The following PLEKHS1 variants were observed in gnomAD, a reference collection of about 807,000 sequenced individuals.
The protein encoded by PLEKHS1 is pleckstrin homology domain-containing family S member 1.
Under a neutral mutation model 51.0 loss-of-function variants are expected in PLEKHS1, and 55 were observed. The observed-to-expected ratio is 1.08, with a 90% CI of 0.87 to 1.35. The LOEUF (loss-of-function observed/expected upper bound fraction) is 1.35. PLEKHS1 is among the 40% of genes most tolerant of loss of function. The pLI, the probability that PLEKHS1 is intolerant of heterozygous loss-of-function variation, is 0.00. For missense variants in PLEKHS1, 398 were observed against 423.0 expected, an observed-to-expected ratio of 0.94 and a Z score of 0.52; for synonymous variants, 153 against 144.8, an observed-to-expected ratio of 1.06 and a Z score of -0.41.
exon 4 of PLEKHS1, chr10:113,766,629 G>T (rs769171705): frequency 5.6e-6 from 9 of 1,609,280 alleles, no homozygotes; most frequent in Non-Finnish European, 7.6e-6. Flanking sequence ...GGAAAAAGCG[G>T]TTTTTCATCC....
At chr10:113,753,584 A>T (rs1853954526) in intron 1 of PLEKHS1, among the ~76,000 whole-genome samples, 1 of 152,124 alleles carries the variant, frequency 6.6e-6, no homozygotes, top group African/African-American at 2.4e-5. Context: ...TGCCCGAGAA[A>T]AGTTGTAATT....
At chr10:113,775,687 C>CAA in intron 10 of PLEKHS1, 78 bp from the exon 11 acceptor site, 1 of 884,390 alleles carries the variant, frequency 1.1e-6, no homozygotes, top group East Asian at 2.6e-5. Flanking sequence ...AAATAGAGGC[C>CAA]AAAAGTCTAC....
chr10:113,758,709 T>C (rs575810469), intron 2 of PLEKHS1, among the ~76,000 whole-genome samples: 1 of 152,186 alleles, frequency 6.6e-6, no homozygotes, highest in Non-Finnish European at 1.5e-5. Flanking sequence ...TCTCATTGAA[T>C]AGGGAGGTCC....
intron 8 of PLEKHS1, among the ~76,000 whole-genome samples, chr10:113,772,521 G>A (rs1201318667): frequency 6.6e-6 from 1 of 152,182 alleles, no homozygotes; most frequent in African/African-American, 2.4e-5. Flanking sequence ...CTATTGATCA[G>A]TAGGAAGCCC....
intron 2 of PLEKHS1, among the ~76,000 whole-genome samples, chr10:113,761,133 G>C (rs977091742): frequency 6.6e-6 from 1 of 152,070 alleles, no homozygotes; most frequent in Non-Finnish European, 1.5e-5. Flanking sequence ...CTATTCCATT[G>C]GCCTATGTGT....
exon 9 of PLEKHS1, chr10:113,774,230 G>C (rs534532224): frequency 1.3e-6 from 2 of 1,585,850 alleles, no homozygotes; most frequent in East Asian, 4.5e-5. Flanking sequence ...TCTGCAGTTG[G>C]ATAATATCAT....
At chr10:113,768,851 A>G in exon 6 of PLEKHS1, 1 of 1,613,716 alleles carries the variant, frequency 6.2e-7, no homozygotes, top group Middle Eastern at 1.7e-4. Flanking sequence ...TCATGTCATC[A>G]TTTCGCCAGG....
chr10:113,755,720 G>C (rs1247300348), intron 2 of PLEKHS1, among the ~76,000 whole-genome samples: 2 of 152,144 alleles, frequency 1.3e-5, no homozygotes, highest in Admixed American at 1.3e-4. Context: ...ACCCAGGTGG[G>C]GATAATGGGT....
chr10:113,771,336 G>C (rs969972041), intron 7 of PLEKHS1: 1 of 152,172 alleles, frequency 6.6e-6, no homozygotes, highest in Non-Finnish European at 1.5e-5. Context: ...GATGATTACA[G>C]GAAAAAGATG....
rs1438512775 is a variant in PLEKHS1, at chr10:113,766,261, C to A, written c.29-150C>A. ...GAGGAATAAGAATCATACATTTGGT[C>A]CTTTGTTTTCTTGGGTTATTATAGG... On this transcript the variant is annotated intron_variant, in intron 2 of 11. Coordinates refer to ENST00000361048, the Ensembl canonical transcript of PLEKHS1. The A allele has an allele frequency of 6.8e-6, 4 of 588,996 alleles. No homozygotes were observed. In the Admixed American group the frequency reaches 1.4e-4, roughly 21 times the overall value. 36.5% of individuals were successfully genotyped at this position (588,996 alleles called of 1,614,324 possible). A position where few individuals can be genotyped will look rare whatever the true frequency, so the allele number is the denominator to read the frequency against.
At chr10:113,777,150 G>T in intron 11 of PLEKHS1, 2 of 1,612,752 alleles carry the variant, frequency 1.2e-6, no homozygotes, top group Non-Finnish European at 1.7e-6. Flanking sequence ...GGCCCCCCAC[G>T]TTTGGGATGC....
At chr10:113,773,126 C>A (rs1013684990) in intron 8 of PLEKHS1, among the ~76,000 whole-genome samples, 5 of 152,092 alleles carry the variant, frequency 3.3e-5, no homozygotes, top group African/African-American at 9.7e-5. Context: ...TCCGGAAACA[C>A]CCAGTTAAAA....
chr10:113,764,238 C>G (rs1157787680), intron 2 of PLEKHS1, among the ~76,000 whole-genome samples: 2 of 151,974 alleles, frequency 1.3e-5, no homozygotes, highest in Non-Finnish European at 2.9e-5. Context: ...GTAGCTGGGA[C>G]TACAGGCTTG....
At chr10:113,772,075 A>C (rs765295755) in exon 8 of PLEKHS1, 9 of 1,612,374 alleles carry the variant, frequency 5.6e-6, no homozygotes, top group Non-Finnish European at 6.8e-6. Context: ...TACTCCTCGA[A>C]GTGTTCTTTT....
chr10:113,753,655 G>A (rs1853957717), intron 1 of PLEKHS1, among the ~76,000 whole-genome samples: 1 of 152,144 alleles, frequency 6.6e-6, no homozygotes, highest in African/African-American at 2.4e-5. Flanking sequence ...TCTTTCCCTA[G>A]GGGCAGGGTA....
chr10:113,768,028 G>A (rs1238642680), intron 5 of PLEKHS1, among the ~76,000 whole-genome samples: 1 of 152,096 alleles, frequency 6.6e-6, no homozygotes, highest in African/African-American at 2.4e-5. Flanking sequence ...CTGAAGTATT[G>A]GGATACGGAA....
chr10:113,754,780 G>A (rs879696610), intron 1 of PLEKHS1, among the ~76,000 whole-genome samples: 12 of 152,286 alleles, frequency 7.9e-5, no homozygotes, highest in Admixed American at 7.2e-4. Context: ...CACCGTGCCT[G>A]GCGGTCCTTG....
At chr10:113,762,365 C>CTTTTTTTTTTTTTTTTTTTTTTTTTCT (rs34457408) in intron 2 of PLEKHS1, among the ~76,000 whole-genome samples, 1 of 61,770 alleles carries the variant, frequency 1.6e-5, no homozygotes, top group African/African-American at 6.0e-5. Flanking sequence ...AGATTTGTTC[C>CTTTTTTTTTTTTTTTTTTTTTTTTTCT]TTTTTTTTTT....
chr10:113,771,805 G>A (rs1183699828), intron 7 of PLEKHS1, among the ~76,000 whole-genome samples, 165 bp from the exon 8 acceptor site: 1 of 152,004 alleles, frequency 6.6e-6, no homozygotes, highest in Non-Finnish European at 1.5e-5. Context: ...TGGTGACCCA[G>A]ACTCAAGAGG....
Sources: gnomAD v4.1 joint callset for allele counts (sites outside exome capture counted in the v4.1 genomes callset) on GRCh38, gnomAD v4.1.1 for gene constraint, MANE v1.5 for transcripts, NCBI Gene and HGNC (gene_info 2026-07-23, HGNC 2026-07-21) for gene names.